Variants in PLEKHG5 observed in about 807,000 individuals in gnomAD.
PLEKHG5 encodes pleckstrin homology and RhoGEF domain containing G5.
In PLEKHG5, 52 loss-of-function variants were observed where a neutral mutation model predicts 103.8. The ratio of observed to expected loss-of-function variants is 0.50; its 90% CI spans 0.40 to 0.63. The LOEUF (loss-of-function observed/expected upper bound fraction) is 0.63. PLEKHG5 is among the 30% of genes least tolerant of loss of function. PLEKHG5 has a pLI of 0.00. For synonymous variants in PLEKHG5, 592 were observed against 575.5 expected (o/e 1.03, Z -0.41); for missense variants, 1,205 against 1,347.6 (o/e 0.89, Z 1.66).
upstream of PLEKHG5, chr1:6,497,286 G>A: frequency 1.1e-6 from 1 of 951,376 alleles, no homozygotes; most frequent in East Asian, 2.8e-5. This position sits in a 1 kb window ranked among gnomAD's most constrained non-coding sequence, Gnocchi z 6.1. Flanking sequence ...CCAGGACCCC[G>A]CCCCGCGTCC....
upstream of PLEKHG5, among the ~76,000 whole-genome samples, chr1:6,491,880 C>A (rs1341223952): frequency 2.0e-5 from 3 of 152,218 alleles, no homozygotes; most frequent in African/African-American, 7.2e-5. This position sits in a 1 kb window ranked among gnomAD's most constrained non-coding sequence, Gnocchi z 4.1. Flanking sequence ...TGCTCACTAC[C>A]TCCACTTCGG....
In PLEKHG5 at chr1:6,477,578, G is replaced by T. The variant is rs770655236; in HGVS notation, c.-7C>A. 5 of 1,612,476 alleles carry T rather than the reference G, an allele frequency of 3.1e-6. No homozygotes were observed. Among genetic ancestry groups the T allele is most frequent in the Non-Finnish European group, 4.2e-6 (5 of 1,179,952 alleles). ...CATGCCCATCATAATGCATGGTGCT[G>T]TGGAACTTGCTGTCACAGGCCTCGC... On this transcript the variant is annotated 5_prime_UTR_variant, in exon 2 of 21. Transcript: ENST00000377728.
At position 6,471,022 on chromosome 1, in the gene PLEKHG5, G is replaced by A. The variant is rs200086651; in HGVS notation, c.1360C>T (p.Arg454Cys). 11 of 1,605,984 alleles carry A rather than the reference G, an allele frequency of 6.8e-6. No individual in the cohort carries two copies. Among genetic ancestry groups the A allele is most frequent in the Non-Finnish European group, 9.3e-6 (11 of 1,176,688 alleles). ...TAGGCCCGGAAGAGGTCGTTGTCGC[G>A]CAGCAGGCCGCGCATGTACTCCATG... is the stretch of plus-strand genomic sequence containing the variant. ...GCMEYMRGLLRDNDLFRAYIT... is the reference protein window; with the variant it reads ...GCMEYMRGLLCDNDLFRAYIT... Residue 454 changes from arginine (R) to cysteine (C), a missense_variant, in exon 13 of 21, where the codon CGC becomes TGC. Transcript: ENST00000377728.
chr1:6,471,291 C>A, intron 12 of PLEKHG5, 191 bp from the exon 13 acceptor site: 1 of 775,558 alleles, frequency 1.3e-6, no homozygotes, highest in Non-Finnish European at 2.1e-6. Flanking sequence ...GGCCAGGGAT[C>A]AGGGGTAGAT....
chr1:6,515,731 G>A (rs892579421), intron 1 of PLEKHG5, among the ~76,000 whole-genome samples: 1 of 152,046 alleles, frequency 6.6e-6, no homozygotes, highest in East Asian at 1.9e-4. Context: ...TAACCAGAAA[G>A]ATAAGCAAAT....
intron 1 of PLEKHG5, among the ~76,000 whole-genome samples, chr1:6,483,750 C>T (rs1644956939): frequency 6.6e-6 from 1 of 152,282 alleles, no homozygotes; most frequent in Non-Finnish European, 1.5e-5. Flanking sequence ...CCACAGCGCA[C>T]TGCTGAGAGA....
rs1005773495 is a variant in PLEKHG5 at position 6,519,315 on chromosome 1, G to A, written c.-165+130C>T. On this transcript the variant is annotated intron_variant, in intron 1 of 21. Coordinates refer to the PLEKHG5 transcript ENST00000377740. ...ACCAAATGGATCCAGCCTGCAAGTG[G>A]CTCTTAAACCGTCCGGACTAATTCA... 9.1e-6 allele frequency: 7 copies of A among 769,488 alleles called. No homozygotes were observed. In the African/African-American group the frequency reaches 1.0e-4, roughly 11 times the overall value. The allele number at this position is 769,488 out of a possible 1,614,324, so 47.7% of individuals were successfully genotyped here. A position where few individuals can be genotyped will look rare whatever the true frequency, so the allele number is the denominator to read the frequency against.
In PLEKHG5 at chr1:6,470,482, AC is replaced by A. The variant is rs758511511; in HGVS notation, c.1680+23del. On this transcript the variant is annotated intron_variant, in intron 15 of 20. Coordinates refer to ENST00000377728, the MANE Select transcript of PLEKHG5 (RefSeq NM_020631.6). ...GGGCCTTCCTCTCTCCCAGCCGGCA[AC>A]CCCCGCAGACACACACGCCCACCTT... 4.3e-6 allele frequency: 7 copies of A among 1,609,968 alleles called. No individual in the cohort carries two copies. In the African/African-American group the frequency reaches 8.0e-5, roughly 18 times the overall value.
At chr1:6,497,814 C>T (rs1645250973), upstream of PLEKHG5, among the ~76,000 whole-genome samples, 1 of 152,220 alleles carries the variant, frequency 6.6e-6, no homozygotes, top group Admixed American at 6.5e-5. The surrounding 1 kb of genome is among the most constrained non-coding windows in gnomAD (Gnocchi z 6.1). Context: ...CCTGCCACGG[C>T]TCTTGCTGCA....
chr1:6,497,195 G>A, upstream of PLEKHG5: 7 of 857,566 alleles, frequency 8.2e-6, no homozygotes, highest in Non-Finnish European at 1.3e-5. The surrounding 1 kb of genome is among the most constrained non-coding windows in gnomAD (Gnocchi z 6.1). Flanking sequence ...TTGGGTACGA[G>A]CGGCCCGAAG....
chr1:6,474,922 G>A, intron 5 of PLEKHG5, 125 bp downstream of exon 5: 2 of 786,468 alleles, frequency 2.5e-6, no homozygotes, highest in Non-Finnish European at 2.3e-6. Context: ...GCCCACGCAG[G>A]GATGCGCTCG....
At chr1:6,475,162 G>A (rs1644722205) in intron 4 of PLEKHG5, 24 bp from the exon 5 acceptor site, 1 of 1,362,412 alleles carries the variant, frequency 7.3e-7, no homozygotes, top group Admixed American at 1.7e-5. Context: ...GGGGGTGGGG[G>A]CTGTGAGCTT....
At chr1:6,488,857 C>T (rs972616077) in intron 1 of PLEKHG5, among the ~76,000 whole-genome samples, 19 of 152,096 alleles carry the variant, frequency 1.2e-4, no homozygotes, top group African/African-American at 7.2e-5. Flanking sequence ...AAACCAGATG[C>T]GGAGGCTGAT....
chr1:6,472,727 TGGAGGTC>T, intron 9 of PLEKHG5, 105 bp from the exon 10 acceptor site: 1 of 863,678 alleles, frequency 1.2e-6, no homozygotes, highest in Non-Finnish European at 1.9e-6. Context: ...AATGGGGACA[TGGAGGTC>T]CCAAGAGGAG....
chr1:6,471,467 T>C (rs752026773), intron 12 of PLEKHG5, 21 bp downstream of exon 12: 1 of 1,605,928 alleles, frequency 6.2e-7, no homozygotes, highest in Admixed American at 1.7e-5. Flanking sequence ...TGCCCCCGCC[T>C]GCGCCCGGCC....
At position 6,486,664 on chromosome 1, in the gene PLEKHG5, T is replaced by C. The variant is rs912246848; in HGVS notation, c.-88+4973A>G. ...CCGCCAGGGGGCACTCAGCAAAGCC[T>C]GAGAGGACGCAAACGCCCAGACTCT... On this transcript the variant is annotated intron_variant, in intron 1 of 20. Coordinates refer to ENST00000377728, the MANE Select transcript of PLEKHG5 (RefSeq NM_020631.6). This position sits in a 1 kb window ranked among gnomAD's most constrained non-coding sequence, Gnocchi z 5.3. 6.6e-6 allele frequency among the ~76,000 whole-genome samples: 1 copy of C among 152,214 alleles called. No individual in the cohort carries two copies. Among genetic ancestry groups the C allele is most frequent in the Non-Finnish European group, 1.5e-5 (1 of 68,046 alleles).
At chr1:6,485,258 G>C (rs1033890912) in intron 1 of PLEKHG5, 8 of 1,119,710 alleles carry the variant, frequency 7.1e-6, no homozygotes, top group Non-Finnish European at 9.3e-6. Context: ...CTCCCGCACA[G>C]GACTGGGCGG....
chr1:6,469,697 G>T lies in PLEKHG5; in HGVS notation c.1801-21C>A, dbSNP rs762758808. 7 of 1,610,214 alleles carry T rather than the reference G, an allele frequency of 4.3e-6. No individual in the cohort carries two copies. The Admixed American group carries it at 5.0e-5, about 12-fold the overall frequency. On this transcript the variant is annotated intron_variant, in intron 16 of 20. Coordinates refer to ENST00000377728, the MANE Select transcript of PLEKHG5 (RefSeq NM_020631.6). Reference sequence around the variant, plus strand: ...TCCATCTGCAGTGGCAGGAGGGGGGGTGGCCAGAGAGGCCAGCAGGGTCAG... The same window carrying T: ...TCCATCTGCAGTGGCAGGAGGGGGGTTGGCCAGAGAGGCCAGCAGGGTCAG...
At chr1:6,471,160 G>T (rs1644573828) in intron 12 of PLEKHG5, 60 bp from the exon 13 acceptor site, 2 of 1,371,474 alleles carry the variant, frequency 1.5e-6, no homozygotes, top group Non-Finnish European at 2.0e-6. Flanking sequence ...GGGCCGGCCC[G>T]CGCCAGGCGC....
Sources: gnomAD v4.1 joint callset for allele counts (sites outside exome capture counted in the v4.1 genomes callset) on GRCh38, gnomAD v4.1.1 for gene constraint, Gnocchi (gnomAD v3.1) non-coding constraint, MANE v1.5 for transcripts, NCBI Gene and HGNC (gene_info 2026-07-23, HGNC 2026-07-21) for gene names.